MIER2: variants seen among roughly 807,000 people sequenced by gnomAD.
MIER2 encodes the protein mesoderm induction early response protein 2.
MIER2 carries 30 observed loss-of-function variants against 67.6 expected under a neutral mutation model. The ratio of observed to expected loss-of-function variants is 0.44; its 90% confidence interval spans 0.33 to 0.60. The LOEUF (loss-of-function observed/expected upper bound fraction) is 0.60. MIER2 is among the 20% of genes least tolerant of loss of function. The pLI, the probability that MIER2 is intolerant of heterozygous loss-of-function variation, is 0.02. For synonymous variants in MIER2, 372 were observed against 312.6 expected (o/e 1.19, Z -2.00); for missense variants, 702 against 745.1 (o/e 0.94, Z 0.67).
At chr19:338,722 C>T (rs1027983785) in intron 1 of MIER2, among the ~76,000 whole-genome samples, 4 of 152,142 alleles carry the variant, frequency 2.6e-5, no homozygotes, top group Admixed American at 1.3e-4. Flanking sequence ...GATCAACGAA[C>T]TAGAACTGAG....
Position 325,801 on chromosome 19 carries a change from C to T in MIER2, c.586-97G>A, listed in dbSNP as rs112132149. 695 of 1,353,024 alleles carry T rather than the reference C, an allele frequency of 5.1e-4. 3 individuals carry two copies. In the African/African-American group the frequency reaches 8.7e-3, roughly 17 times the overall value. The allele number at this position is 1,353,024 out of a possible 1,614,324, so 83.8% of individuals were successfully genotyped here. A position where few individuals can be genotyped will look rare whatever the true frequency, so the allele number is the denominator to read the frequency against. On this transcript the variant is annotated intron_variant, in intron 6 of 13. Transcript: ENST00000264819. ...GCTGTGGCAGGCTTACGGGGAGGGG[C>T]CACTGTCCAGACCCCAGACCCATCT...
intron 7 of MIER2, among the ~76,000 whole-genome samples, chr19:317,256 G>A (rs570001058): frequency 4.7e-5 from 7 of 149,438 alleles, no homozygotes; most frequent in Admixed American, 2.0e-4. Flanking sequence ...GGCCGGGCGC[G>A]GTGGCGGGCA....
At position 312,192 on chromosome 19, in the gene MIER2, T is replaced by A. The variant is rs1971049973; in HGVS notation, c.888A>T (p.Arg296=). 1 of 1,613,562 alleles carries A rather than the reference T, an allele frequency of 6.2e-7. No individual in the cohort carries two copies. The highest frequency in any genetic ancestry group is 1.3e-5 in the African/African-American group (1 of 74,894). ...RRLRFNVKVI[R]DGLCAWSEEE... ...AGGAAGGCCCAGACCGCTGCTCACC[T>A]CGGATCACCTTCACGTTGAACCGCA... Residue 296 remains arginine (R), a splice_region_variant and synonymous_variant, in exon 9 of 14, where the codon CGA becomes CGT. Transcript: ENST00000264819.
At position 343,828 on chromosome 19, in the gene MIER2, C is replaced by T. The variant is rs58981851; in HGVS notation, c.9+946G>A. The T allele has an allele frequency of 2.2e-3, 2,216 of 985,068 alleles. 33 individuals are homozygous for T. In the African/African-American group the frequency reaches 0.035, roughly 16 times the overall value. The allele number at this position is 985,068 out of a possible 1,614,324, so 61.0% of individuals were successfully genotyped here. A position where few individuals can be genotyped will look rare whatever the true frequency, so the allele number is the denominator to read the frequency against. On this transcript the variant is annotated intron_variant, in intron 1 of 13. Transcript: ENST00000264819. ...CACCTACATTATCTCTTTCCATCTT[C>T]ACCAGGGCCCTCCAAGGTGAAAGCA...
intron 8 of MIER2, 55 bp downstream of exon 8, chr19:313,437 T>C: frequency 6.3e-6 from 10 of 1,582,868 alleles, no homozygotes; most frequent in Non-Finnish European, 8.5e-6. Context: ...GTGTGAGCTC[T>C]GGCCCACGCC....
At chr19:325,242 C>T (rs983275139) in intron 7 of MIER2, among the ~76,000 whole-genome samples, 8 of 152,244 alleles carry the variant, frequency 5.3e-5, no homozygotes, top group Non-Finnish European at 7.3e-5. Flanking sequence ...AGGAGCGGAG[C>T]AAGGCCGGGG....
chr19:344,472 A>G, intron 1 of MIER2: 1 of 721,622 alleles, frequency 1.4e-6, no homozygotes. Flanking sequence ...CCCCGACACC[A>G]GCCCCGCCCC....
Position 327,975 on chromosome 19 carries a change from G to C in MIER2, c.258C>G (p.Pro86=), listed in dbSNP as rs145878189. The part of the protein sequence containing the change: ...KDFISQSNDM[P]FDELLALYGY... ...CATAGAGCGCAAGCAGCTCATCAAA[G>C]GGCATGTCGTTGCTCTGAGTTGGGG... The change falls in exon 4 of 14, where the codon CCC becomes CCG. Residue 86 remains proline (P), a synonymous_variant. Transcript: ENST00000264819. 2 of 1,613,194 alleles carry C rather than the reference G, an allele frequency of 1.2e-6. No individual in the cohort carries two copies. The highest frequency in any genetic ancestry group is 1.7e-6 in the Non-Finnish European group (2 of 1,179,570).
chr19:317,198 T>C (rs533496970), intron 7 of MIER2, among the ~76,000 whole-genome samples: 128 of 144,636 alleles, frequency 8.8e-4, no homozygotes, highest in African/African-American at 3.2e-3. Context: ...ATCGAGACCA[T>C]CCTGGCCAAC....
At chr19:311,798 C>T (rs368533229) in intron 10 of MIER2, 47 bp downstream of exon 10, 1 of 1,595,754 alleles carries the variant, frequency 6.3e-7, no homozygotes, top group African/African-American at 1.3e-5. Flanking sequence ...CTGAGCCCCT[C>T]CCCAGATCGA....
intron 7 of MIER2, among the ~76,000 whole-genome samples, chr19:313,893 C>G (rs762590282): frequency 9.9e-5 from 15 of 152,190 alleles, no homozygotes; most frequent in Non-Finnish European, 2.2e-4. Context: ...CGACCAAGTG[C>G]AGGGAGCCAT....
chr19:320,404 A>G (rs575111556), intron 7 of MIER2, among the ~76,000 whole-genome samples: 11 of 148,436 alleles, frequency 7.4e-5, no homozygotes, highest in Non-Finnish European at 1.5e-4. Context: ...TAGATAGATA[A>G]ATAAATAAAA....
At position 308,952 on chromosome 19, in the gene MIER2, CTG is replaced by C; in HGVS notation, c.985-29_985-28del. The C allele has an allele frequency of 6.3e-7, 1 of 1,585,168 alleles. No homozygotes were observed. The highest frequency in any genetic ancestry group is 8.6e-7 in the Non-Finnish European group (1 of 1,159,304). On this transcript the variant is annotated intron_variant, in intron 10 of 13. Transcript: ENST00000264819. The surrounding 1 kb of genome is among the most constrained non-coding windows in gnomAD (Gnocchi z 9.1). ...TGCGGGGAGGGGTCAGGAGCCATCT[CTG>C]TCCCCGGCTGCCCAGCCCCAGCACC...
intron 1 of MIER2, among the ~76,000 whole-genome samples, chr19:342,229 G>A (rs1284333221): frequency 5.3e-5 from 8 of 152,198 alleles, no homozygotes; most frequent in South Asian, 2.1e-4. Context: ...AGGCAGTGGC[G>A]TGGTGGTTAA....
intron 1 of MIER2, among the ~76,000 whole-genome samples, chr19:342,178 G>A (rs899354366): frequency 3.9e-5 from 6 of 152,122 alleles, no homozygotes; most frequent in East Asian, 3.9e-4. Context: ...CCACTCCTCC[G>A]TCTGACCAAT....
At chr19:335,111 C>T (rs977313771) in intron 2 of MIER2, among the ~76,000 whole-genome samples, 6 of 152,244 alleles carry the variant, frequency 3.9e-5, no homozygotes, top group African/African-American at 1.4e-4. Flanking sequence ...AGGGTTTCCC[C>T]GAAAGAACTG....
chr19:309,043 A>ACT, intron 10 of MIER2, 118 bp from the exon 11 acceptor site: 1 of 1,403,626 alleles, frequency 7.1e-7, no homozygotes, highest in Admixed American at 2.2e-5. Flanking sequence ...AGCACCCACC[A>ACT]CTCTCAGATA....
chr19:327,303 T>C, intron 4 of MIER2, 47 bp from the exon 5 acceptor site: 1 of 1,552,978 alleles, frequency 6.4e-7, no homozygotes, highest in Non-Finnish European at 8.6e-7. Flanking sequence ...AGTTTAACAA[T>C]CTCGCAATAC....
Position 313,593 on chromosome 19 carries a change from T to A in MIER2, c.706A>T (p.Arg236Trp). 2 of 1,613,256 alleles carry A rather than the reference T, an allele frequency of 1.2e-6. No homozygotes were observed. The highest frequency in any genetic ancestry group is 1.7e-6 in the Non-Finnish European group (2 of 1,179,938). The change falls in exon 8 of 14, where the codon AGG becomes TGG. Residue 236 changes from arginine (R) to tryptophan (W), a missense_variant. Coordinates refer to ENST00000264819, the MANE Select transcript of MIER2 (RefSeq NM_017550.3). Reference sequence around the variant, plus strand: ...CTGTACAGGAACTCCTCCACCTCCCTCTCAGGGAGGACGCTGGGGTCCCAG... The same window carrying A: ...CTGTACAGGAACTCCTCCACCTCCCACTCAGGGAGGACGCTGGGGTCCCAG... ...LLWDPSVLPE[R>W]EVEEFLYRAV... is the part of the protein sequence containing the mutation.
Sources: gnomAD v4.1 joint callset for allele counts (sites outside exome capture counted in the v4.1 genomes callset) on GRCh38, gnomAD v4.1.1 for gene constraint, Gnocchi (gnomAD v3.1) non-coding constraint, MANE v1.5 for transcripts, NCBI Gene and HGNC (gene_info 2026-07-23, HGNC 2026-07-21) for gene names.